KCNIP4: variants seen among roughly 807,000 people sequenced by gnomAD.
KCNIP4 encodes the protein Kv channel-interacting protein 4.
In KCNIP4, 12 loss-of-function variants were observed where a neutral mutation model predicts 34.0. That is an observed-to-expected ratio of 0.35 (90% confidence interval 0.23 to 0.57). The LOEUF is 0.57. KCNIP4 is among the 20% of genes least tolerant of loss of function. The pLI, the probability that KCNIP4 is intolerant of heterozygous loss-of-function variation, is 0.83. For synonymous variants in KCNIP4, 124 were observed against 102.2 expected, an observed-to-expected ratio of 1.21 and a Z score of -1.29; for missense variants, 238 against 311.7, an observed-to-expected ratio of 0.76 and a Z score of 1.78.
At chr4:21,038,241 C>T (rs1479662148) in intron 1 of KCNIP4, among the ~76,000 whole-genome samples, 1 of 152,202 alleles carries the variant, frequency 6.6e-6, no homozygotes, top group Non-Finnish European at 1.5e-5. Flanking sequence ...TCCTAAAGTG[C>T]TGGGATTACA....
At chr4:21,153,039 T>C (rs773401597) in intron 1 of KCNIP4, among the ~76,000 whole-genome samples, 1 of 152,212 alleles carries the variant, frequency 6.6e-6, no homozygotes, top group Non-Finnish European at 1.5e-5. Context: ...TTGATTCAAC[T>C]ATTCCTTACT....
chr4:21,062,202 T>C (rs2043388), intron 1 of KCNIP4, among the ~76,000 whole-genome samples: 40,572 of 152,044 alleles, frequency 0.27, 5,643 homozygotes, highest in African/African-American at 0.34. Context: ...TAAATTAAAT[T>C]CTCCTATGTC....
intron 1 of KCNIP4, among the ~76,000 whole-genome samples, chr4:21,687,970 A>T (rs1464607077): frequency 6.6e-6 from 1 of 152,176 alleles, no homozygotes; most frequent in Non-Finnish European, 1.5e-5. Context: ...AGCACACCCT[A>T]GGTTTGGTAC....
chr4:21,716,682 A>T (rs1215178203), intron 1 of KCNIP4, among the ~76,000 whole-genome samples: 1 of 152,162 alleles, frequency 6.6e-6, no homozygotes, highest in African/African-American at 2.4e-5. Flanking sequence ...GAGTCAATTT[A>T]GATCACATTT....
At chr4:21,888,481 C>G (rs150103888) in intron 1 of KCNIP4, among the ~76,000 whole-genome samples, 2 of 151,862 alleles carry the variant, frequency 1.3e-5, no homozygotes, top group African/African-American at 2.4e-5. Flanking sequence ...AATGTTGCAC[C>G]CAAAGCCTTG....
chr4:21,502,263 A>C (rs1733429847), intron 1 of KCNIP4, among the ~76,000 whole-genome samples: 1 of 152,112 alleles, frequency 6.6e-6, no homozygotes, highest in African/African-American at 2.4e-5. Flanking sequence ...AAATGGGAAA[A>C]AGAAAAAGAA....
chr4:21,291,913 AAG>A lies in KCNIP4; in HGVS notation c.62-409206_62-409205del, dbSNP rs1333676556. Among the ~76,000 whole-genome samples, 90 of 85,444 alleles carry A rather than the reference AAG, an allele frequency of 1.1e-3. 10 individuals are homozygous for A. The highest frequency in any genetic ancestry group is 0.01 in the Middle Eastern group (2 of 196). The allele number at this position is 85,444 out of a possible 152,430, so 56.1% of individuals were successfully genotyped here. A position where few individuals can be genotyped will look rare whatever the true frequency, so the allele number is the denominator to read the frequency against. On this transcript the variant is annotated intron_variant, in intron 1 of 8. Transcript: ENST00000382152. ...AAAGAAAGAAAGAAAGAAAGAAAGA[AAG>A]AAAGAAAGAAAGAAAGAAAGAAAAA...
At chr4:21,657,145 G>A (rs1323951871) in intron 1 of KCNIP4, among the ~76,000 whole-genome samples, 3 of 152,200 alleles carry the variant, frequency 2.0e-5, no homozygotes, top group African/African-American at 2.4e-5. Flanking sequence ...GAGTAGTCAT[G>A]TGGCAATAAG....
intron 1 of KCNIP4, among the ~76,000 whole-genome samples, chr4:21,323,453 G>C (rs1300320017): frequency 1.3e-5 from 2 of 151,836 alleles, no homozygotes; most frequent in East Asian, 3.9e-4. Flanking sequence ...ATTCTACTCT[G>C]TATCTTCATG....
At chr4:21,302,487 A>C (rs1408555335) in intron 1 of KCNIP4, among the ~76,000 whole-genome samples, 1 of 152,228 alleles carries the variant, frequency 6.6e-6, no homozygotes, top group Non-Finnish European at 1.5e-5. Flanking sequence ...CTAAAATAAC[A>C]CACACAAATG....
intron 1 of KCNIP4, among the ~76,000 whole-genome samples, chr4:21,218,778 G>A (rs1757791865): frequency 6.6e-6 from 1 of 152,122 alleles, no homozygotes; most frequent in Admixed American, 6.5e-5. Flanking sequence ...TGAACCTTGA[G>A]GGAAACCTAA....
chr4:20,977,721 T>C (rs1416007615), intron 1 of KCNIP4, among the ~76,000 whole-genome samples: 1 of 152,250 alleles, frequency 6.6e-6, no homozygotes, highest in Non-Finnish European at 1.5e-5. Context: ...TTCAGGAAAC[T>C]GCCTGTCTTT....
chr4:21,796,744 A>G (rs79117322), intron 1 of KCNIP4, among the ~76,000 whole-genome samples: 383 of 152,332 alleles, frequency 2.5e-3, no homozygotes, highest in Non-Finnish European at 4.0e-3. Context: ...TTAAGTCTGA[A>G]TAATAAACAT....
chr4:21,048,952 T>A lies in KCNIP4; in HGVS notation c.62-166243A>T, dbSNP rs1437935141. 6.4e-5 allele frequency among the ~76,000 whole-genome samples: 9 copies of A among 139,950 alleles called. No individual in the cohort carries two copies. The East Asian group carries it at 1.6e-3, about 25-fold the overall frequency. The allele number at this position is 139,950 out of a possible 152,430, so 91.8% of individuals were successfully genotyped here. ...CAGTACCTTCTGTTTATCTTTTTTT[T>A]TTTTTTTTTTTTTTTTGAGACGGAG... On this transcript the variant is annotated intron_variant, in intron 1 of 8. Transcript: ENST00000382152.
chr4:21,015,919 AATAT>A (rs1027434373), intron 1 of KCNIP4, among the ~76,000 whole-genome samples: 2 of 143,778 alleles, frequency 1.4e-5, no homozygotes, highest in Non-Finnish European at 3.0e-5. Flanking sequence ...TTAATATATA[AATAT>A]ATATAAATTT....
chr4:21,284,858 T>A (rs576876552), intron 1 of KCNIP4, among the ~76,000 whole-genome samples: 2 of 151,880 alleles, frequency 1.3e-5, no homozygotes, highest in Admixed American at 6.6e-5. Context: ...TTCTGGGGGA[T>A]GAACACACCC....
At chr4:21,255,820 T>G (rs1577971942) in intron 1 of KCNIP4, among the ~76,000 whole-genome samples, 2 of 152,198 alleles carry the variant, frequency 1.3e-5, no homozygotes, top group African/African-American at 4.8e-5. Flanking sequence ...GTTGAAGAAC[T>G]GTAAATTGAC....
intron 1 of KCNIP4, among the ~76,000 whole-genome samples, chr4:21,666,781 C>A (rs547632671): frequency 6.6e-6 from 1 of 152,104 alleles, no homozygotes; most frequent in African/African-American, 2.4e-5. Context: ...CTCTACATGT[C>A]CCTTCAAGTC....
At chr4:21,582,762 A>G (rs1741330512) in intron 1 of KCNIP4, among the ~76,000 whole-genome samples, 1 of 151,990 alleles carries the variant, frequency 6.6e-6, no homozygotes, top group Non-Finnish European at 1.5e-5. Context: ...AACACTGGAC[A>G]CAATGCATGC....
Sources: allele counts gnomAD v4.1 joint callset (sites outside exome capture counted in the v4.1 genomes callset), GRCh38; gene constraint gnomAD v4.1.1; transcripts MANE v1.5; gene names NCBI Gene and HGNC (gene_info 2026-07-23, HGNC 2026-07-21).